The following BICRA variants were observed in gnomAD, a reference collection of about 807,000 sequenced individuals.
BICRA encodes BRD4 interacting chromatin remodeling complex associated protein.
BICRA carries 31 observed loss-of-function variants against 96.9 expected under a neutral mutation model. The ratio of observed to expected loss-of-function variants is 0.32; its 90% CI spans 0.24 to 0.43. The LOEUF is 0.43. Among genes scored for constraint, BICRA ranks in the 20% least tolerant of loss-of-function variants. BICRA has a pLI of 1.00. For missense variants in BICRA, 2,283 were observed against 2,190.3 expected, an observed-to-expected ratio of 1.04 and a Z score of -0.84; for synonymous variants, 1,350 against 1,071.8, an observed-to-expected ratio of 1.26 and a Z score of -5.07.
intron 7 of BICRA, among the ~76,000 whole-genome samples, chr19:47,686,079 C>T (rs978324485): frequency 3.3e-5 from 5 of 151,396 alleles, no homozygotes; most frequent in Admixed American, 1.3e-4. Flanking sequence ...TACAGGCGCA[C>T]GCCACCGCAT....
In BICRA at chr19:47,701,215, G is replaced by C. The variant is rs1322684939; in HGVS notation, c.3596-113G>C. 2 of 715,798 alleles carry C rather than the reference G, an allele frequency of 2.8e-6. No homozygotes were observed. The highest frequency in any genetic ancestry group is 4.8e-6 in the Non-Finnish European group (2 of 412,952). The allele number at this position is 715,798 out of a possible 1,614,324, so 44.3% of individuals were successfully genotyped here. A position where few individuals can be genotyped will look rare whatever the true frequency, so the allele number is the denominator to read the frequency against. The stretch of plus-strand genomic sequence containing the variant: ...CTATCCTGAGGATTGGAGGGTCCAG[G>C]GTGCAGTCTGGTGCCTGGCAGGTAG... On this transcript the variant is annotated intron_variant, in intron 14 of 14. Transcript: ENST00000594866. This position sits in a 1 kb window ranked among gnomAD's most constrained non-coding sequence, Gnocchi z 5.4.
In BICRA at chr19:47,685,514, G is replaced by A. The variant is rs534764051; in HGVS notation, c.2283+3362G>A. Among the ~76,000 whole-genome samples, 6 of 152,306 alleles carry A rather than the reference G, an allele frequency of 3.9e-5. No individual in the cohort carries two copies. The East Asian group carries it at 1.2e-3, about 29-fold the overall frequency. ...AATAGACGGACGGATGGATGGCATG[G>A]GTGGGTGTGTGACTGGGTGATTGGC... On this transcript the variant is annotated intron_variant, in intron 7 of 14. Coordinates refer to ENST00000594866, the MANE Select transcript of BICRA (RefSeq NM_001394372.1).
chr19:47,684,898 A>G (rs190915372), intron 7 of BICRA, among the ~76,000 whole-genome samples: 1 of 152,344 alleles, frequency 6.6e-6, no homozygotes, highest in East Asian at 1.9e-4. Context: ...GTGACCTGAC[A>G]TGATGGCACT....
Position 47,701,949 on chromosome 19 carries a change from C to CAGGCAGGGCACGGGG in BICRA, c.4224_4238dup (p.Arg1408_Gly1412dup). 4.8e-6 allele frequency: 7 copies of CAGGCAGGGCACGGGG among 1,445,312 alleles called. No individual in the cohort carries two copies. Among genetic ancestry groups the CAGGCAGGGCACGGGG allele is most frequent in the Non-Finnish European group, 6.3e-6 (7 of 1,109,602 alleles). The allele number at this position is 1,445,312 out of a possible 1,614,324, so 89.5% of individuals were successfully genotyped here. A position where few individuals can be genotyped will look rare whatever the true frequency, so the allele number is the denominator to read the frequency against. On this transcript the variant is annotated inframe_insertion, in exon 15 of 15. Transcript: ENST00000594866. This position sits in a 1 kb window ranked among gnomAD's most constrained non-coding sequence, Gnocchi z 5.4. ...CCTGGCGCGCCGGAGGGGACGCCCG[C>CAGGCAGGGCACGGGG]AGGCAGGGCACGGGGAGGCAGCCCG...
intron 1 of BICRA, among the ~76,000 whole-genome samples, chr19:47,610,589 AC>A (rs1971888592): frequency 7.8e-6 from 1 of 127,576 alleles, no homozygotes; most frequent in Non-Finnish European, 1.7e-5. Context: ...CCATGTCCTG[AC>A]CATCGTCCCC....
chr19:47,662,441 C>T (rs563845759), intron 1 of BICRA: 607 of 152,510 alleles, frequency 4.0e-3, no homozygotes, highest in Non-Finnish European at 7.0e-3. Context: ...TTTGGGAGGC[C>T]GAGGCGGGCA....
At chr19:47,626,274 C>T (rs55668873) in intron 1 of BICRA, 41,371 of 152,128 alleles carry the variant, frequency 0.27, 5,947 homozygotes, top group Non-Finnish European at 0.32. Flanking sequence ...CGATTTTACA[C>T]GAGTAAACTG....
At chr19:47,667,481 T>G (rs1972800109) in intron 1 of BICRA, among the ~76,000 whole-genome samples, 2 of 152,094 alleles carry the variant, frequency 1.3e-5, no homozygotes, top group Non-Finnish European at 2.9e-5. Flanking sequence ...AGGTAGGTCG[T>G]GCACAGAGCT....
chr19:47,666,965 T>C (rs1466525312), intron 1 of BICRA, among the ~76,000 whole-genome samples: 1 of 152,074 alleles, frequency 6.6e-6, no homozygotes, highest in Non-Finnish European at 1.5e-5. Context: ...AACCACACCT[T>C]GGTCACAACA....
chr19:47,649,497 C>G (rs1321963011), intron 1 of BICRA, among the ~76,000 whole-genome samples: 2 of 152,188 alleles, frequency 1.3e-5, no homozygotes, highest in African/African-American at 4.8e-5. Context: ...GGAGACACTT[C>G]ACTTCCCCAC....
rs554586929 is a variant in BICRA at position 47,692,268 on chromosome 19, C to T, written c.2284-1847C>T. Among the ~76,000 whole-genome samples, 3 of 152,100 alleles carry T rather than the reference C, an allele frequency of 2.0e-5. No homozygotes were observed. In the South Asian group the frequency reaches 6.2e-4, roughly 32 times the overall value. On this transcript the variant is annotated intron_variant, in intron 7 of 14. Coordinates refer to ENST00000594866, the MANE Select transcript of BICRA (RefSeq NM_001394372.1). ...TTGAGACGGAGTTTCACTCTTGTGC[C>T]CAGGCTGGAGTGCAGTGGCGCGATC...
rs1973436712 is a variant in BICRA at position 47,701,263 on chromosome 19, C to T, written c.3596-65C>T. 1 of 1,152,444 alleles carries T rather than the reference C, an allele frequency of 8.7e-7. No homozygotes were observed. The highest frequency in any genetic ancestry group is 1.3e-6 in the Non-Finnish European group (1 of 786,094). 71.4% of individuals were successfully genotyped at this position (1,152,444 alleles called of 1,614,324 possible). A position where few individuals can be genotyped will look rare whatever the true frequency, so the allele number is the denominator to read the frequency against. On this transcript the variant is annotated intron_variant, in intron 14 of 14. Transcript: ENST00000594866. This position sits in a 1 kb window ranked among gnomAD's most constrained non-coding sequence, Gnocchi z 5.4. ...TAGTAGGTGCTCACTGCACACAGCT[C>T]CTCCCAGCTCGGTCGGGGGGTCCTC...
At chr19:47,609,107 C>T (rs915712374), upstream of BICRA, 1 of 148,648 alleles carries the variant, frequency 6.7e-6, no homozygotes, top group African/African-American at 2.4e-5. Flanking sequence ...CTGGGTCCTC[C>T]CTTTGCAGCC....
intron 7 of BICRA, among the ~76,000 whole-genome samples, chr19:47,692,432 A>G (rs1402171616): frequency 6.6e-6 from 1 of 151,826 alleles, no homozygotes; most frequent in Non-Finnish European, 1.5e-5. Flanking sequence ...GTTTCATCAT[A>G]TTGATCAGGC....
At chr19:47,668,420 C>T (rs753688366) in intron 1 of BICRA, among the ~76,000 whole-genome samples, 8 of 151,826 alleles carry the variant, frequency 5.3e-5, no homozygotes, top group Non-Finnish European at 1.0e-4. Context: ...CTTGTTTCAG[C>T]TCAAATTGCA....
Position 47,699,120 on chromosome 19 carries a change from C to G in BICRA, c.3492+61C>G. On this transcript the variant is annotated intron_variant, in intron 13 of 14. Transcript: ENST00000594866. This position sits in a 1 kb window ranked among gnomAD's most constrained non-coding sequence, Gnocchi z 5.0. ...CTCCTCGCTGGGACACTGCCCCTTT[C>G]CCTCACCCGCTCTGGGCAAGGTGGA... The G allele has an allele frequency of 8.3e-7, 1 of 1,211,500 alleles. No homozygotes were observed. Among genetic ancestry groups the G allele is most frequent in the Non-Finnish European group, 1.2e-6 (1 of 841,794 alleles). The allele number at this position is 1,211,500 out of a possible 1,614,324, so 75.0% of individuals were successfully genotyped here. A position where few individuals can be genotyped will look rare whatever the true frequency, so the allele number is the denominator to read the frequency against.
In BICRA at chr19:47,699,186, G is replaced by C; in HGVS notation, c.3493-117G>C. The stretch of plus-strand genomic sequence containing the variant: ...TAGCCCCGGGAGGGAGGTTGGGAGG[G>C]AGGCGGGAGCTCCCATCACAAGGAC... On this transcript the variant is annotated intron_variant, in intron 13 of 14. Coordinates refer to ENST00000594866, the MANE Select transcript of BICRA (RefSeq NM_001394372.1). The surrounding 1 kb of genome is among the most constrained non-coding windows in gnomAD (Gnocchi z 5.0). 1 of 896,138 alleles carries C rather than the reference G, an allele frequency of 1.1e-6. No individual in the cohort carries two copies. Among genetic ancestry groups the C allele is most frequent in the Admixed American group, 2.0e-5 (1 of 49,274 alleles). 55.5% of individuals were successfully genotyped at this position (896,138 alleles called of 1,614,324 possible).
In BICRA at chr19:47,693,070, A is replaced by G. The variant is rs558911341; in HGVS notation, c.2284-1045A>G. ...TCAGGGCTAGGGAGAGATCACACAA[A>G]TGGATGCGGGAGGCCGGCCATTCGT... On this transcript the variant is annotated intron_variant, in intron 7 of 14. Coordinates refer to ENST00000594866, the MANE Select transcript of BICRA (RefSeq NM_001394372.1). Among the ~76,000 whole-genome samples, 166 of 152,292 alleles carry G rather than the reference A, an allele frequency of 1.1e-3. No individual in the cohort carries two copies. In the Middle Eastern group the frequency reaches 0.017, roughly 16 times the overall value.
intron 6 of BICRA, 108 bp downstream of exon 6, chr19:47,681,384 C>A: frequency 2.1e-6 from 2 of 968,560 alleles, no homozygotes; most frequent in Non-Finnish European, 2.9e-6. Context: ...ACTGTGGCAG[C>A]TGGGGGGGGA....
Sources: gnomAD v4.1 joint callset for allele counts (sites outside exome capture counted in the v4.1 genomes callset) on GRCh38, gnomAD v4.1.1 for gene constraint, Gnocchi (gnomAD v3.1) non-coding constraint, MANE v1.5 for transcripts, NCBI Gene and HGNC (gene_info 2026-07-23, HGNC 2026-07-21) for gene names.